Variants in EML5 observed in about 807,000 individuals in gnomAD.
EML5 encodes EMAP like 5.
In EML5, 120 loss-of-function variants were observed where a neutral mutation model predicts 250.0. That is an observed-to-expected ratio of 0.48 (90% CI 0.41 to 0.56). EML5 has a LOEUF of 0.56. EML5 is among the 20% of genes least tolerant of loss of function. The probability of loss-of-function intolerance (pLI) is 0.00; values close to 1 mark genes in which losing one functional copy is unlikely to be tolerated. For missense variants in EML5, 2,006 were observed against 2,437.6 expected, an observed-to-expected ratio of 0.82 and a Z score of 3.73; for synonymous variants, 771 against 806.5, an observed-to-expected ratio of 0.96 and a Z score of 0.75.
chr14:88,731,886 C>T (rs993220204), intron 7 of EML5, among the ~76,000 whole-genome samples: 1 of 152,180 alleles, frequency 6.6e-6, no homozygotes, highest in Non-Finnish European at 1.5e-5. Flanking sequence ...AGTGTCTGTT[C>T]ATATCCTTTT....
intron 32 of EML5, among the ~76,000 whole-genome samples, chr14:88,635,037 A>G (rs2140515490): frequency 6.6e-6 from 1 of 152,346 alleles, no homozygotes. Context: ...TTTCAACTAA[A>G]GATTTTCCAT....
chr14:88,615,780 G>A lies in EML5; in HGVS notation c.*38C>T, dbSNP rs1326608537. 6.9e-6 allele frequency: 11 copies of A among 1,598,672 alleles called. No homozygotes were observed. Among genetic ancestry groups the A allele is most frequent in the South Asian group, 2.3e-5 (2 of 87,764 alleles). ...TTTGGTTTTTCTTCTCTGTAATTCT[G>A]GTCTCAAAGTTAATTTCTGTAGTCA... On this transcript the variant is annotated 3_prime_UTR_variant, in exon 44 of 44. Coordinates refer to ENST00000554922, the MANE Select transcript of EML5 (RefSeq NM_183387.3).
chr14:88,786,565 T>C (rs1460948908), intron 1 of EML5, among the ~76,000 whole-genome samples: 1 of 152,208 alleles, frequency 6.6e-6, no homozygotes, highest in Non-Finnish European at 1.5e-5. Context: ...TGGCTCTGTG[T>C]CCCCACCCAA....
At chr14:88,745,560 C>T (rs2093993449) in intron 3 of EML5, among the ~76,000 whole-genome samples, 1 of 152,072 alleles carries the variant, frequency 6.6e-6, no homozygotes, top group Non-Finnish European at 1.5e-5. Flanking sequence ...TTTAAATCCA[C>T]ACAAGCAACA....
At chr14:88,735,452 A>G (rs965644239) in intron 7 of EML5, among the ~76,000 whole-genome samples, 3 of 152,250 alleles carry the variant, frequency 2.0e-5, no homozygotes, top group Non-Finnish European at 4.4e-5. Flanking sequence ...CTAAACATAT[A>G]AAAACATAAC....
intron 5 of EML5, among the ~76,000 whole-genome samples, chr14:88,739,339 G>A (rs1356866688): frequency 6.6e-6 from 1 of 152,042 alleles, no homozygotes; most frequent in Non-Finnish European, 1.5e-5. Context: ...AGATAGGGAG[G>A]GCTTTACATA....
intron 8 of EML5, among the ~76,000 whole-genome samples, chr14:88,716,928 T>A (rs2093505333): frequency 6.6e-6 from 1 of 152,208 alleles, no homozygotes; most frequent in Non-Finnish European, 1.5e-5. Flanking sequence ...GTTAATTTTT[T>A]AAAACATTCT....
At position 88,658,766 on chromosome 14, in the gene EML5, GA is replaced by G. The variant is rs1431111219; in HGVS notation, c.3676-379del. 3.3e-5 allele frequency among the ~76,000 whole-genome samples: 5 copies of G among 152,052 alleles called. No individual in the cohort carries two copies. In the East Asian group the frequency reaches 9.7e-4, roughly 29 times the overall value. Reference sequence around the variant, plus strand: ...TACCATGGTATTTACTTATAGTAGTGAAAAAAATTAAATACCTTAAATGTTC... The same window carrying G: ...TACCATGGTATTTACTTATAGTAGTGAAAAAATTAAATACCTTAAATGTTC... On this transcript the variant is annotated intron_variant, in intron 25 of 43. Transcript: ENST00000554922.
At chr14:88,640,465 G>A (rs1304416633) in intron 31 of EML5, among the ~76,000 whole-genome samples, 1 of 151,962 alleles carries the variant, frequency 6.6e-6, no homozygotes, top group African/African-American at 2.4e-5. Flanking sequence ...GGTAAACAAT[G>A]AAATTAAGGC....
At chr14:88,681,849 T>C (rs750403091) in intron 21 of EML5, 41 bp downstream of exon 21, 116 of 1,548,946 alleles carry the variant, frequency 7.5e-5, no homozygotes, top group Non-Finnish European at 9.6e-5. Context: ...GTTAGAAAAC[T>C]GTGAGAGCTT....
intron 21 of EML5, among the ~76,000 whole-genome samples, chr14:88,678,054 A>T (rs1424495030): frequency 1.3e-5 from 2 of 152,236 alleles, no homozygotes; most frequent in African/African-American, 4.8e-5. Flanking sequence ...ATGCCCATCG[A>T]TATTAGACTG....
chr14:88,704,794 G>A (rs1168763529), intron 13 of EML5, 66 bp downstream of exon 13: 1 of 1,148,238 alleles, frequency 8.7e-7, no homozygotes, highest in Non-Finnish European at 1.3e-6. Flanking sequence ...TCTATCATTA[G>A]AGATGTTAAG....
At chr14:88,784,735 G>T (rs921678926) in intron 1 of EML5, among the ~76,000 whole-genome samples, 3 of 152,126 alleles carry the variant, frequency 2.0e-5, no homozygotes, top group Non-Finnish European at 2.9e-5. Context: ...ATGCTGGAAA[G>T]GATGTGGAGA....
intron 18 of EML5, among the ~76,000 whole-genome samples, chr14:88,687,816 G>T (rs1053177301): frequency 5.9e-5 from 9 of 152,054 alleles, no homozygotes; most frequent in African/African-American, 2.2e-4. Flanking sequence ...CATGGCTCAT[G>T]CCTGTAACAC....
chr14:88,700,475 G>T (rs574997366), intron 14 of EML5, among the ~76,000 whole-genome samples: 4 of 152,186 alleles, frequency 2.6e-5, no homozygotes, highest in African/African-American at 9.6e-5. Flanking sequence ...TTATTTTCAG[G>T]AAACAAAGCA....
At position 88,704,885 on chromosome 14, in the gene EML5, T is replaced by G. The variant is rs188732306; in HGVS notation, c.2026A>C (p.Ser676Arg). 2.5e-5 allele frequency: 40 copies of G among 1,613,014 alleles called. No homozygotes were observed. The Admixed American group carries it at 3.3e-4, about 13-fold the overall frequency. ...CCGTGAACAAAGTGTAATCGAATACTATTTCCTGGAGCCCGCTCTCTTCTT... is the reference window on the plus strand; with the variant it reads ...CCGTGAACAAAGTGTAATCGAATACGATTTCCTGGAGCCCGCTCTCTTCTT... ...SKRRERAPGN[S>R]IRLHFVHGYR... The change falls in exon 13 of 44, where the codon AGT becomes CGT. Residue 676 changes from serine to arginine, a missense_variant. Physicochemically the swap from Ser to Arg is moderately radical, Grantham distance 110. This residue lies in a region of EML5 where 1,375 missense variants were observed against 1,590.3 expected (regional missense o/e 0.86). Transcript: ENST00000554922.
chr14:88,628,988 G>C (rs906482046), intron 33 of EML5, among the ~76,000 whole-genome samples: 6 of 151,890 alleles, frequency 4.0e-5, no homozygotes, highest in African/African-American at 1.4e-4. Context: ...TGTCAGTATT[G>C]AACTAAAATT....
chr14:88,743,866 T>C (rs1050073967), intron 4 of EML5, among the ~76,000 whole-genome samples, 157 bp downstream of exon 4: 11 of 152,072 alleles, frequency 7.2e-5, no homozygotes, highest in African/African-American at 2.4e-4. Context: ...ATAATATATA[T>C]ATTTGTTTGA....
intron 41 of EML5, 27 bp from the exon 42 acceptor site, chr14:88,616,906 C>CA: frequency 6.2e-7 from 1 of 1,609,336 alleles, no homozygotes; most frequent in Non-Finnish European, 8.5e-7. Flanking sequence ...AAAGAAAACT[C>CA]ATCATGGCAA....
Sources: gnomAD v4.1 joint callset for allele counts (sites outside exome capture counted in the v4.1 genomes callset) on GRCh38, gnomAD v4.1.1 for gene constraint, gnomAD v4.1.1 regional missense constraint, MANE v1.5 for transcripts, NCBI Gene and HGNC (gene_info 2026-07-23, HGNC 2026-07-21) for gene names.